Variants in BIN2 observed in about 807,000 individuals in gnomAD.
BIN2 encodes the protein bridging integrator 2, also known as breast cancer associated protein BRAP1.
Under a neutral mutation model 67.9 loss-of-function variants are expected in BIN2, and 43 were observed. The observed-to-expected ratio is 0.63, with a 90% CI of 0.50 to 0.82. The LOEUF (loss-of-function observed/expected upper bound fraction) is 0.82, where lower values mean the gene tolerates loss of function less well. BIN2 is among the 40% of genes least tolerant of loss of function. BIN2 has a pLI of 0.00. For missense variants in BIN2, 581 were observed against 671.6 expected (o/e 0.87, Z 1.49); for synonymous variants, 244 against 246.8 (o/e 0.99, Z 0.11).
intron 2 of BIN2, among the ~76,000 whole-genome samples, chr12:51,312,658 T>C (rs1946023450): frequency 3.3e-5 from 5 of 152,162 alleles, no homozygotes; most frequent in Admixed American, 3.3e-4. Flanking sequence ...AGCTGAGTGA[T>C]GAGTACATGT....
chr12:51,302,101 A>T lies in BIN2; in HGVS notation c.327T>A (p.Leu109=). The T allele has an allele frequency of 6.2e-7, 1 of 1,611,298 alleles. No homozygotes were observed. The highest frequency in any genetic ancestry group is 8.5e-7 in the Non-Finnish European group (1 of 1,177,460). The change falls in exon 5 of 13, where the codon CTT becomes CTA. Residue 109 remains leucine, a synonymous_variant. Coordinates refer to ENST00000615107, the MANE Select transcript of BIN2 (RefSeq NM_016293.4). The part of the protein sequence containing the change: ...LKAIVWNNDL[L]WEDYEEKLAD... ...CCAGTTTCTCCTCGTAGTCTTCCCA[A>T]AGGAGATCATTATTCTGTAGGATAG...
At chr12:51,309,520 G>T (rs940888331) in intron 2 of BIN2, among the ~76,000 whole-genome samples, 3 of 151,960 alleles carry the variant, frequency 2.0e-5, no homozygotes, top group African/African-American at 7.2e-5. Context: ...CTTATTATAG[G>T]TGTATCATTC....
chr12:51,303,378 T>C (rs7308177), intron 2 of BIN2, among the ~76,000 whole-genome samples: 19,301 of 152,202 alleles, frequency 0.13, 1,334 homozygotes, highest in East Asian at 0.22. Flanking sequence ...CGTCTTCCTT[T>C]CAGTGAACAA....
At chr12:51,302,644 G>A (rs1345971748) in intron 4 of BIN2, 42 bp downstream of exon 4, 1 of 1,494,798 alleles carries the variant, frequency 6.7e-7, no homozygotes, top group South Asian at 1.1e-5. Context: ...GATGCAAACA[G>A]GAGTAAGTGC....
At chr12:51,290,458 C>A (rs898205333) in intron 10 of BIN2, among the ~76,000 whole-genome samples, 3 of 151,986 alleles carry the variant, frequency 2.0e-5, no homozygotes, top group Admixed American at 2.0e-4. Flanking sequence ...ACTAGGAACT[C>A]CCAGAACTTG....
rs774786312 is a variant in BIN2, at chr12:51,324,137, C to T, written c.-35G>A. ...TCCCTGGGGGCCGCCGCCCTGGCCC[C>T]GCGCCCTGTGGTTTTCTGAGGCCCC... On this transcript the variant is annotated 5_prime_UTR_variant, in exon 1 of 13. Transcript: ENST00000615107. The T allele has an allele frequency of 5.6e-6, 9 of 1,609,462 alleles. No individual in the cohort carries two copies. Among genetic ancestry groups the T allele is most frequent in the Non-Finnish European group, 7.6e-6 (9 of 1,178,022 alleles).
At chr12:51,301,972 C>A in intron 5 of BIN2, 48 bp downstream of exon 5, 1 of 1,314,940 alleles carries the variant, frequency 7.6e-7, no homozygotes, top group Non-Finnish European at 1.1e-6. Flanking sequence ...TGTTCTCTAA[C>A]CTGGATGGGT....
intron 12 of BIN2, among the ~76,000 whole-genome samples, chr12:51,281,902 A>T (rs1472703880): frequency 6.6e-6 from 1 of 151,758 alleles, no homozygotes; most frequent in East Asian, 1.9e-4. Flanking sequence ...AGGCGCACAC[A>T]ACCATGCCTG....
At chr12:51,309,826 T>C (rs1945953130) in intron 2 of BIN2, among the ~76,000 whole-genome samples, 1 of 152,212 alleles carries the variant, frequency 6.6e-6, no homozygotes, top group African/African-American at 2.4e-5. Flanking sequence ...CTTCTTCTTC[T>C]CTTACCTTTT....
chr12:51,308,239 A>C (rs1945919317), intron 2 of BIN2, among the ~76,000 whole-genome samples: 1 of 152,156 alleles, frequency 6.6e-6, no homozygotes, highest in Non-Finnish European at 1.5e-5. Context: ...ACCAACTAGC[A>C]AGTTACTCCA....
chr12:51,307,689 G>T (rs1033920466), intron 2 of BIN2, among the ~76,000 whole-genome samples: 15 of 147,334 alleles, frequency 1.0e-4, no homozygotes, highest in Non-Finnish European at 2.1e-4. Flanking sequence ...CAACCTGGGC[G>T]ACAAGAGAGA....
rs368324801 is a variant in BIN2, at chr12:51,285,670, C to T, written c.1597-883G>A. Among the ~76,000 whole-genome samples, 14 of 147,438 alleles carry T rather than the reference C, an allele frequency of 9.5e-5. No homozygotes were observed. In the East Asian group the frequency reaches 2.6e-3, roughly 27 times the overall value. ...AAGGAATCTGGCTCTGTCACCCAGG[C>T]TGGAGTGCAGTGGCGTGATCTTGGT... On this transcript the variant is annotated intron_variant, in intron 11 of 12. Coordinates refer to ENST00000615107, the MANE Select transcript of BIN2 (RefSeq NM_016293.4).
chr12:51,292,836 C>T (rs1945426416), intron 9 of BIN2, among the ~76,000 whole-genome samples: 1 of 152,110 alleles, frequency 6.6e-6, no homozygotes, highest in Non-Finnish European at 1.5e-5. Flanking sequence ...AACAAATGTC[C>T]TTTCCACCAT....
At chr12:51,282,915 T>A (rs1945147880) in intron 12 of BIN2, among the ~76,000 whole-genome samples, 1 of 151,946 alleles carries the variant, frequency 6.6e-6, no homozygotes, top group African/African-American at 2.4e-5. Flanking sequence ...CAATACTTTT[T>A]ATTATTATTT....
chr12:51,295,204 CA>C (rs1324160474), intron 9 of BIN2, among the ~76,000 whole-genome samples: 2 of 151,252 alleles, frequency 1.3e-5, no homozygotes, highest in Non-Finnish European at 2.9e-5. Context: ...CTCAGCCTCC[CA>C]AAGTACTGGG....
intron 2 of BIN2, among the ~76,000 whole-genome samples, chr12:51,306,189 G>A (rs1945862486): frequency 6.6e-6 from 1 of 152,064 alleles, no homozygotes; most frequent in South Asian, 2.1e-4. Context: ...CAGATCAAAA[G>A]TCCCTCTCAA....
intron 4 of BIN2, 88 bp from the exon 5 acceptor site, chr12:51,302,203 AC>A: frequency 3.1e-6 from 3 of 970,450 alleles, no homozygotes; most frequent in African/African-American, 1.6e-5. Flanking sequence ...CCCTGCAAAA[AC>A]CTTTTTTGTA....
At chr12:51,314,786 C>T (rs1292256618) in intron 1 of BIN2, among the ~76,000 whole-genome samples, 7 of 148,052 alleles carry the variant, frequency 4.7e-5, no homozygotes, top group South Asian at 2.1e-4. Context: ...ACAACAAGAG[C>T]GAAACTCTGT....
At chr12:51,323,179 A>G (rs1393078037) in intron 1 of BIN2, 3 of 152,220 alleles carry the variant, frequency 2.0e-5, no homozygotes, top group Admixed American at 2.0e-4. Flanking sequence ...TCTGGCTGAC[A>G]TGTCTTCCCA....
Sources: gnomAD v4.1 joint callset for allele counts (sites outside exome capture counted in the v4.1 genomes callset) on GRCh38, gnomAD v4.1.1 for gene constraint, MANE v1.5 for transcripts, NCBI Gene and HGNC (gene_info 2026-07-23, HGNC 2026-07-21) for gene names.